GNG7: variants seen among roughly 807,000 people sequenced by gnomAD.
GNG7 encodes the protein guanine nucleotide-binding protein G(I)/G(S)/G(O) subunit gamma-7.
In GNG7, 1 loss-of-function variant was observed where a neutral mutation model predicts 4.0. That is an observed-to-expected ratio of 0.25 (90% CI 0.09 to 1.18). GNG7 has a LOEUF of 1.18. Among genes scored for constraint, GNG7 ranks in the 50% most tolerant of loss-of-function variants. The pLI, the probability that GNG7 is intolerant of heterozygous loss-of-function variation, is 0.50. For missense variants in GNG7, 86 were observed against 91.9 expected, an observed-to-expected ratio of 0.94 and a Z score of 0.26; for synonymous variants, 34 against 36.9, an observed-to-expected ratio of 0.92 and a Z score of 0.29.
At chr19:2,526,859 T>C (rs1978413969) in intron 3 of GNG7, among the ~76,000 whole-genome samples, 1 of 148,124 alleles carries the variant, frequency 6.8e-6, no homozygotes, top group African/African-American at 2.5e-5. Context: ...TAACTTTTTT[T>C]TTTTGAGAGG....
chr19:2,664,748 T>G (rs186366526), intron 1 of GNG7, among the ~76,000 whole-genome samples: 12 of 151,786 alleles, frequency 7.9e-5, no homozygotes, highest in Admixed American at 5.9e-4. Context: ...TTTTGCCAGT[T>G]AATGCAAGGT....
At chr19:2,551,201 C>G (rs919781805) in intron 3 of GNG7, among the ~76,000 whole-genome samples, 1 of 152,224 alleles carries the variant, frequency 6.6e-6, no homozygotes, top group African/African-American at 2.4e-5. Flanking sequence ...GGACCTCACC[C>G]TGGCCGTTTG....
chr19:2,582,802 A>G (rs1980541830), intron 2 of GNG7, among the ~76,000 whole-genome samples: 1 of 151,542 alleles, frequency 6.6e-6, no homozygotes, highest in African/African-American at 2.4e-5. Context: ...CCGAGTAGCT[A>G]GGACTGCAGG....
intron 2 of GNG7, among the ~76,000 whole-genome samples, chr19:2,604,499 G>A (rs1378910254): frequency 4.3e-5 from 6 of 138,182 alleles, no homozygotes; most frequent in African/African-American, 1.6e-4. Context: ...ATGAAAGGAA[G>A]GAAGGAAGGA....
intron 3 of GNG7, among the ~76,000 whole-genome samples, chr19:2,525,746 A>G (rs926722783): frequency 1.3e-5 from 2 of 152,170 alleles, no homozygotes; most frequent in East Asian, 1.9e-4. Context: ...AAAAATCTAC[A>G]TATAGAAAGG....
chr19:2,577,700 C>CAAAAA (rs58623953), intron 2 of GNG7, among the ~76,000 whole-genome samples: 1 of 108,402 alleles, frequency 9.2e-6, no homozygotes, highest in Non-Finnish European at 1.9e-5. Flanking sequence ...GATTCCATCT[C>CAAAAA]AAAAAAAAAA....
At chr19:2,621,812 C>T (rs1002723901) in intron 2 of GNG7, among the ~76,000 whole-genome samples, 1 of 152,114 alleles carries the variant, frequency 6.6e-6, no homozygotes, top group Non-Finnish European at 1.5e-5. Flanking sequence ...TTTGCCAGAG[C>T]CCCCAGAAGC....
intron 2 of GNG7, among the ~76,000 whole-genome samples, chr19:2,581,255 G>A (rs1273472416): frequency 6.8e-6 from 1 of 146,338 alleles, no homozygotes; most frequent in African/African-American, 2.5e-5. Context: ...CCCCAACAGA[G>A]TTTGTCTAAA....
chr19:2,603,699 C>T (rs1981284547), intron 2 of GNG7, among the ~76,000 whole-genome samples: 1 of 152,132 alleles, frequency 6.6e-6, no homozygotes, highest in Admixed American at 6.6e-5. Context: ...AGGATCATTT[C>T]AGTTCATTTT....
At chr19:2,648,982 G>A (rs1982739923) in intron 1 of GNG7, among the ~76,000 whole-genome samples, 1 of 151,788 alleles carries the variant, frequency 6.6e-6, no homozygotes, top group African/African-American at 2.4e-5. Flanking sequence ...TCCACCTCCT[G>A]GGCTCAAGCG....
chr19:2,685,228 G>A (rs1983843201), intron 1 of GNG7, among the ~76,000 whole-genome samples: 1 of 152,130 alleles, frequency 6.6e-6, no homozygotes, highest in Non-Finnish European at 1.5e-5. Context: ...GTTTCAGTTT[G>A]GGAAGATGAG....
intron 1 of GNG7, among the ~76,000 whole-genome samples, chr19:2,677,719 C>T (rs962279652): frequency 6.6e-6 from 1 of 152,108 alleles, no homozygotes; most frequent in Non-Finnish European, 1.5e-5. Flanking sequence ...GTGGAATCCC[C>T]TAACCCCCGG....
chr19:2,669,902 C>T (rs1472556191), intron 1 of GNG7, among the ~76,000 whole-genome samples: 8 of 150,036 alleles, frequency 5.3e-5, no homozygotes, highest in Non-Finnish European at 7.4e-5. Flanking sequence ...CCCAGCTACT[C>T]GGGAGGCTGA....
intron 2 of GNG7, among the ~76,000 whole-genome samples, chr19:2,568,801 C>CAT (rs1216176432): frequency 2.0e-5 from 3 of 150,800 alleles, no homozygotes; most frequent in African/African-American, 7.4e-5. Flanking sequence ...TATACACGCA[C>CAT]ATATATACAC....
intron 1 of GNG7, among the ~76,000 whole-genome samples, chr19:2,668,070 G>A (rs1983354620): frequency 6.6e-6 from 1 of 152,194 alleles, no homozygotes; most frequent in South Asian, 2.1e-4. Context: ...TAATGAAGAT[G>A]TATCAATACT....
intron 2 of GNG7, among the ~76,000 whole-genome samples, chr19:2,628,833 C>G (rs992419309): frequency 6.6e-6 from 1 of 152,156 alleles, no homozygotes. Context: ...GGTCAACTGA[C>G]TAGGAATCTT....
intron 1 of GNG7, among the ~76,000 whole-genome samples, chr19:2,690,329 C>T (rs188840469): frequency 1.3e-5 from 2 of 151,432 alleles, no homozygotes; most frequent in African/African-American, 4.9e-5. Context: ...TGCAGTGAGC[C>T]GAGATCACAC....
intron 1 of GNG7, among the ~76,000 whole-genome samples, chr19:2,687,750 C>T (rs1306126886): frequency 3.3e-5 from 5 of 150,420 alleles, no homozygotes; most frequent in Non-Finnish European, 7.4e-5. Flanking sequence ...CCGAGGCAGG[C>T]AGATCACATG....
chr19:2,574,267 C>G (rs1980240787), intron 2 of GNG7, among the ~76,000 whole-genome samples: 1 of 152,016 alleles, frequency 6.6e-6, no homozygotes, highest in African/African-American at 2.4e-5. Flanking sequence ...GGGCTTTCAG[C>G]CCTTCCTCTC....
Sources: allele counts gnomAD v4.1 joint callset (sites outside exome capture counted in the v4.1 genomes callset), GRCh38; gene constraint gnomAD v4.1.1; transcripts MANE v1.5; gene names NCBI Gene and HGNC (gene_info 2026-07-23, HGNC 2026-07-21).